Variants in ZNF438 observed in about 807,000 individuals in gnomAD.
ZNF438 encodes the protein zinc finger protein 438.
A neutral mutation model predicts 38.0 loss-of-function variants in ZNF438; 25 were observed. That is an observed-to-expected ratio of 0.66 (90% CI 0.48 to 0.92). The LOEUF (loss-of-function observed/expected upper bound fraction) is 0.92, where lower values mean the gene tolerates loss of function less well. Among genes scored for constraint, ZNF438 ranks in the 40% least tolerant of loss-of-function variants. ZNF438 has a pLI of 0.00. For synonymous variants in ZNF438, 372 were observed against 364.1 expected (o/e 1.02, Z -0.25); for missense variants, 1,007 against 999.6 (o/e 1.01, Z -0.10).
chr10:30,901,447 C>T (rs924043441), intron 3 of ZNF438, among the ~76,000 whole-genome samples: 4 of 150,038 alleles, frequency 2.7e-5, no homozygotes, highest in Admixed American at 1.3e-4. Flanking sequence ...TCCGCTGAGT[C>T]GGGGGTTGTT....
chr10:30,875,455 C>T (rs1451132500), intron 4 of ZNF438: 2 of 982,288 alleles, frequency 2.0e-6, no homozygotes, highest in Non-Finnish European at 1.2e-6. Flanking sequence ...GGAATGGAGT[C>T]CAGCTTTCCT....
intron 1 of ZNF438, among the ~76,000 whole-genome samples, chr10:31,010,643 T>C (rs1236297433): frequency 6.6e-6 from 1 of 152,138 alleles, no homozygotes; most frequent in East Asian, 1.9e-4. Flanking sequence ...TTCTAACACT[T>C]TGGGAGACTG....
intron 3 of ZNF438, among the ~76,000 whole-genome samples, chr10:30,888,727 C>T (rs890320849): frequency 1.3e-5 from 2 of 152,124 alleles, no homozygotes; most frequent in South Asian, 2.1e-4. Flanking sequence ...ATGGCTGCAT[C>T]GTATTCCATG....
chr10:30,874,015 T>A (rs1176428567), intron 4 of ZNF438, among the ~76,000 whole-genome samples: 2 of 151,646 alleles, frequency 1.3e-5, no homozygotes, highest in African/African-American at 4.8e-5. Flanking sequence ...ATAAATAGCA[T>A]GTGCCCAGCA....
At chr10:30,856,156 A>T (rs2034588932) in intron 4 of ZNF438, among the ~76,000 whole-genome samples, 1 of 152,190 alleles carries the variant, frequency 6.6e-6, no homozygotes, top group African/African-American at 2.4e-5. Context: ...TGACTACTTA[A>T]TGACAAGAAT....
At chr10:30,858,311 C>T (rs1165995908) in intron 4 of ZNF438, among the ~76,000 whole-genome samples, 1 of 152,188 alleles carries the variant, frequency 6.6e-6, no homozygotes. Context: ...ATAATAAATT[C>T]CACTTGGGGT....
chr10:30,989,986 G>A (rs936095179), intron 1 of ZNF438, among the ~76,000 whole-genome samples: 2 of 152,198 alleles, frequency 1.3e-5, no homozygotes, highest in East Asian at 3.9e-4. Flanking sequence ...AAGAGAAATA[G>A]CTGAATCTAG....
intron 1 of ZNF438, among the ~76,000 whole-genome samples, chr10:31,000,468 C>T (rs192052878): frequency 4.6e-5 from 7 of 152,272 alleles, no homozygotes; most frequent in East Asian, 1.9e-4. Context: ...TTTCTCTCTA[C>T]CCCCACAAAA....
At chr10:30,973,594 T>C (rs1175881430) in intron 1 of ZNF438, among the ~76,000 whole-genome samples, 2 of 152,198 alleles carry the variant, frequency 1.3e-5, no homozygotes, top group Non-Finnish European at 2.9e-5. Flanking sequence ...ACAAAACACA[T>C]TTCTGAAATG....
chr10:30,901,344 G>A (rs1279014987), intron 3 of ZNF438, among the ~76,000 whole-genome samples: 1 of 152,182 alleles, frequency 6.6e-6, no homozygotes, highest in Non-Finnish European at 1.5e-5. Flanking sequence ...TGGGTTCTTG[G>A]TCTCACTGAC....
chr10:30,869,929 C>T (rs1249022350), intron 4 of ZNF438, among the ~76,000 whole-genome samples: 1 of 152,184 alleles, frequency 6.6e-6, no homozygotes, highest in Admixed American at 6.5e-5. Flanking sequence ...AGTGGTACTC[C>T]TTGCTACTGT....
At chr10:30,959,186 T>G (rs1164073776) in intron 1 of ZNF438, among the ~76,000 whole-genome samples, 1 of 147,174 alleles carries the variant, frequency 6.8e-6, no homozygotes, top group Non-Finnish European at 1.5e-5. Flanking sequence ...ATTCTCGACA[T>G]TTCTGCAAGA....
At position 30,882,033 on chromosome 10, in the gene ZNF438, C is replaced by T. The variant is rs138708006; in HGVS notation, c.-31-4968G>A. 4.9e-3 allele frequency among the ~76,000 whole-genome samples: 750 copies of T among 152,194 alleles called. 6 individuals are homozygous for T. Among genetic ancestry groups the T allele is most frequent in the Middle Eastern group, 0.031 (9 of 294 alleles). On this transcript the variant is annotated intron_variant, in intron 3 of 5. Transcript: ENST00000413025. ...GGTATCTTGGACATGGCATCTGAAA[C>T]ATAATCCATAAAATAACAAACTAAT...
intron 1 of ZNF438, among the ~76,000 whole-genome samples, chr10:30,994,263 AG>A (rs2053817988): frequency 6.6e-6 from 1 of 152,232 alleles, no homozygotes; most frequent in South Asian, 2.1e-4. Context: ...TTGGGTGCCC[AG>A]GGTGGAATGC....
intron 4 of ZNF438, chr10:30,875,531 C>A (rs1037248213): frequency 2.0e-6 from 2 of 985,402 alleles, no homozygotes; most frequent in Non-Finnish European, 2.4e-6. Flanking sequence ...AAAGGTAATA[C>A]CAGCTAGGAC....
Position 30,958,147 on chromosome 10 carries a change from G to C in ZNF438, c.-191-16496C>G, listed in dbSNP as rs932265996. Among the ~76,000 whole-genome samples, 10 of 146,148 alleles carry C rather than the reference G, an allele frequency of 6.8e-5. 1 individual carries two copies. The highest frequency in any genetic ancestry group is 2.0e-4 in the African/African-American group (8 of 40,932). On this transcript the variant is annotated intron_variant, in intron 1 of 5. Transcript: ENST00000413025. ...GCATTCCTGGCCTTGTACTTTTGCT[G>C]ATCTCCTCCCTATTCACTCAACAGG...
At chr10:30,929,513 G>A (rs1056714638) in intron 2 of ZNF438, among the ~76,000 whole-genome samples, 1 of 152,240 alleles carries the variant, frequency 6.6e-6, no homozygotes, top group South Asian at 2.1e-4. Context: ...CATAAAGGCA[G>A]TGTGGACCCA....
chr10:30,951,897 C>CT (rs1485455595), intron 1 of ZNF438, among the ~76,000 whole-genome samples: 4 of 151,858 alleles, frequency 2.6e-5, no homozygotes, highest in African/African-American at 9.7e-5. Context: ...TGGAAAAAAA[C>CT]TACTTTAAAG....
At chr10:30,985,978 A>G (rs993732585) in intron 1 of ZNF438, among the ~76,000 whole-genome samples, 14 of 152,202 alleles carry the variant, frequency 9.2e-5, no homozygotes, top group Middle Eastern at 3.4e-3. Flanking sequence ...TTCACTGTAC[A>G]TTTTCTATGT....
Sources: gnomAD v4.1 joint callset for allele counts (sites outside exome capture counted in the v4.1 genomes callset) on GRCh38, gnomAD v4.1.1 for gene constraint, MANE v1.5 for transcripts, NCBI Gene and HGNC (gene_info 2026-07-23, HGNC 2026-07-21) for gene names.